The following ZNF514 variants were observed in gnomAD, a reference collection of about 807,000 sequenced individuals.
ZNF514 encodes the protein zinc finger protein 514.
Under a neutral mutation model 9.7 loss-of-function variants are expected in ZNF514, and 12 were observed. The observed-to-expected ratio is 1.24, with a 90% confidence interval of 0.79 to 2.01. The LOEUF is 2.01. Among genes scored for constraint, ZNF514 ranks in the 30% most tolerant of loss-of-function variants. The pLI is 0.00. For missense variants in ZNF514, 467 were observed against 465.5 expected, an observed-to-expected ratio of 1.00 and a Z score of -0.03; for synonymous variants, 158 against 163.7, an observed-to-expected ratio of 0.97 and a Z score of 0.27.
In ZNF514 at chr2:95,149,683, C is replaced by G. The variant is rs866619480; in HGVS notation, c.802G>C (p.Ala268Pro). ...KPYECSECGR[A>P]FSQSSSLVLH... is the part of the protein sequence containing the mutation. Reference sequence around the variant, plus strand: ...ACAAGAGACGAACTCTGGCTGAAGGCTCTCCCACATTCACTGCATTCATAG... The same window carrying G: ...ACAAGAGACGAACTCTGGCTGAAGGGTCTCCCACATTCACTGCATTCATAG... Residue 268 changes from alanine (A) to proline (P), a missense_variant, in exon 5 of 5, where the codon GCC (alanine) becomes CCC (proline). Ala to Pro is a conservative substitution (Grantham distance 27). Coordinates refer to ENST00000295208, the MANE Select transcript of ZNF514 (RefSeq NM_032788.3). 6.2e-7 allele frequency: 1 copy of G among 1,614,052 alleles called. No homozygotes were observed. The highest frequency in any genetic ancestry group is 8.5e-7 in the Non-Finnish European group (1 of 1,180,014).
rs1673352196 is a variant in ZNF514, at chr2:95,146,113, T to C, written c.*3169A>G. Among the ~76,000 whole-genome samples, 1 of 152,232 alleles carries C rather than the reference T, an allele frequency of 6.6e-6. No individual in the cohort carries two copies. Among genetic ancestry groups the C allele is most frequent in the Admixed American group, 6.5e-5 (1 of 15,288 alleles). On this transcript the variant is annotated 3_prime_UTR_variant, in exon 5 of 5. Coordinates refer to ENST00000295208, the MANE Select transcript of ZNF514 (RefSeq NM_032788.3). ...TTTTTGTTAGTCTTAAGGTCTCTGT[T>C]TTAAGGCAAATGCTGGTCAACTGTG...
At chr2:95,140,714 G>A (rs191351351), downstream of ZNF514, among the ~76,000 whole-genome samples, 17 of 151,920 alleles carry the variant, frequency 1.1e-4, no homozygotes, top group Admixed American at 7.9e-4. Flanking sequence ...AGTGGTTCAC[G>A]CCTGTAATGC....
rs1673810455 is a variant in ZNF514, at chr2:95,159,731, C to CCGCGTCCGCCCCGCGCCAGCCCT, written c.-588_-587insAGGGCTGGCGCGGGGCGGACGCG. ...CCCCGCGTCCGCCCCGCGCCAGCCC[C>CCGCGTCCGCCCCGCGCCAGCCCT]CGCGTCCGCCCCGCGCCAGCCCCGC... On this transcript the variant is annotated 5_prime_UTR_variant, in exon 1 of 5. Transcript: ENST00000295208. 1 of 135,076 alleles carries CCGCGTCCGCCCCGCGCCAGCCCT rather than the reference C, an allele frequency of 7.4e-6. No individual in the cohort carries two copies. The highest frequency in any genetic ancestry group is 1.6e-5 in the Non-Finnish European group (1 of 61,208). 8.4% of individuals were successfully genotyped at this position (135,076 alleles called of 1,614,324 possible). A position where few individuals can be genotyped will look rare whatever the true frequency, so the allele number is the denominator to read the frequency against.
chr2:95,149,330 T>C lies in ZNF514; in HGVS notation c.1155A>G (p.Ala385=), dbSNP rs1490636474. Reference sequence around the variant, plus strand: ...GACTTCTCTGATGTTTAATAAGGGATGCAGTATGAGCAAAGGCCCTTCCAC... The same window carrying C: ...GACTTCTCTGATGTTTAATAAGGGACGCAGTATGAGCAAAGGCCCTTCCAC... ...NECGRAFAHT[A]SLIKHQRSHA... The change falls in exon 5 of 5, where the codon GCA becomes GCG. Residue 385 remains alanine, a synonymous_variant. Transcript: ENST00000295208. 10 of 1,606,588 alleles carry C rather than the reference T, an allele frequency of 6.2e-6. No homozygotes were observed. Among genetic ancestry groups the C allele is most frequent in the Non-Finnish European group, 8.5e-6 (10 of 1,175,176 alleles).
Position 95,149,372 on chromosome 2 carries a change from G to T in ZNF514, c.1113C>A (p.Pro371=). ...QHYRFHTGEK[P]YKCNECGRAF... ...CCCTTCCACACTCATTACATTTGTAGGGTTTCTCTCCAGTGTGAAATCTGT... is the reference window on the plus strand; with the variant it reads ...CCCTTCCACACTCATTACATTTGTATGGTTTCTCTCCAGTGTGAAATCTGT... The change falls in exon 5 of 5, where the codon CCC becomes CCA. Residue 371 remains proline, a synonymous_variant. Transcript: ENST00000295208. The T allele has an allele frequency of 6.2e-7, 1 of 1,614,078 alleles. No individual in the cohort carries two copies.
At chr2:95,157,728 T>G (rs1426533551) in intron 1 of ZNF514, among the ~76,000 whole-genome samples, 1 of 152,222 alleles carries the variant, frequency 6.6e-6, no homozygotes, top group Non-Finnish European at 1.5e-5. Flanking sequence ...CTGGGCATAC[T>G]GTATGCAGGT....
the ZNF514 span, among the ~76,000 whole-genome samples, chr2:95,124,663 GC>G: frequency 6.6e-6 from 1 of 151,822 alleles, no homozygotes; most frequent in South Asian, 2.1e-4. Flanking sequence ...ATTACACTCA[GC>G]TAATTTTTTG....
chr2:95,148,297 T>C lies in ZNF514; in HGVS notation c.*985A>G, dbSNP rs376400679. ...TCTCAGCCTCCATCCTCTGCACCCA[T>C]GCATGACACCCTGCCCCGTCAGTAA... On this transcript the variant is annotated 3_prime_UTR_variant, in exon 5 of 5. Coordinates refer to ENST00000295208, the MANE Select transcript of ZNF514 (RefSeq NM_032788.3). The C allele has an allele frequency of 1.7e-4, 26 of 152,320 alleles. 1 individual carries two copies. The highest frequency in any genetic ancestry group is 6.0e-4 in the African/African-American group (25 of 41,574). 9.4% of individuals were successfully genotyped at this position (152,320 alleles called of 1,614,324 possible).
chr2:95,142,476 C>A (rs71427017), downstream of ZNF514, among the ~76,000 whole-genome samples: 14,590 of 152,222 alleles, frequency 0.096, 950 homozygotes, highest in Non-Finnish European at 0.13. Context: ...AATAGGAATC[C>A]AAATTTGTAA....
intron 1 of ZNF514, among the ~76,000 whole-genome samples, chr2:95,157,725 T>A (rs2104477785): frequency 6.6e-6 from 1 of 152,356 alleles, no homozygotes; most frequent in East Asian, 1.9e-4. Flanking sequence ...TTACTGGGCA[T>A]ACTGTATGCA....
intron 4 of ZNF514, 84 bp downstream of exon 4, chr2:95,152,590 G>T: frequency 2.7e-6 from 3 of 1,109,820 alleles, no homozygotes; most frequent in South Asian, 2.5e-5. Flanking sequence ...CTTCTGAAAG[G>T]ACAGCACACT....
downstream of ZNF514, among the ~76,000 whole-genome samples, chr2:95,140,321 T>A (rs1217891945): frequency 1.3e-5 from 2 of 152,150 alleles, no homozygotes; most frequent in Admixed American, 6.5e-5. Context: ...AACATTTTTT[T>A]AAAAAGTATG....
intron 1 of ZNF514, 117 bp downstream of exon 1, chr2:95,159,123 G>T: frequency 1.1e-6 from 1 of 934,056 alleles, no homozygotes; most frequent in Non-Finnish European, 1.4e-6. Flanking sequence ...CCCACTAGGC[G>T]CGGCGGGGCC....
the ZNF514 span, among the ~76,000 whole-genome samples, chr2:95,134,485 A>T: frequency 1.3e-5 from 2 of 152,096 alleles, no homozygotes; most frequent in Admixed American, 1.3e-4. Context: ...TATTTCACCT[A>T]CCACACAATT....
rs879017878 is a variant in ZNF514, at chr2:95,148,547, GA to G, written c.*734del. 2.6e-5 allele frequency: 4 copies of G among 152,326 alleles called. No individual in the cohort carries two copies. The highest frequency in any genetic ancestry group is 4.1e-4 in the South Asian group (2 of 4,826). The allele number at this position is 152,326 out of a possible 1,614,324, so 9.4% of individuals were successfully genotyped here. A position where few individuals can be genotyped will look rare whatever the true frequency, so the allele number is the denominator to read the frequency against. On this transcript the variant is annotated 3_prime_UTR_variant, in exon 5 of 5. Transcript: ENST00000295208. ...TTTTCCCAGTTTCACTAAATTTGAA[GA>G]GTTGCTCTAGCACAAATTCTCTAAT... is the stretch of plus-strand genomic sequence containing the variant.
chr2:95,128,747 G>T, the ZNF514 span, among the ~76,000 whole-genome samples: 1 of 151,246 alleles, frequency 6.6e-6, no homozygotes, highest in South Asian at 2.1e-4. Flanking sequence ...GAAGGAAGAA[G>T]AAGGAGGAGA....
intron 4 of ZNF514, among the ~76,000 whole-genome samples, chr2:95,152,188 A>C (rs985304825): frequency 2.0e-5 from 3 of 152,252 alleles, no homozygotes; most frequent in Non-Finnish European, 4.4e-5. Flanking sequence ...GTCAAGGAGT[A>C]GTCTTTGTTC....
the ZNF514 span, among the ~76,000 whole-genome samples, chr2:95,134,900 T>C: frequency 1.3e-5 from 2 of 152,220 alleles, no homozygotes; most frequent in African/African-American, 2.4e-5. Flanking sequence ...TAGTTGACCA[T>C]AGACACATAG....
intron 2 of ZNF514, chr2:95,154,394 A>C (rs910238721): frequency 1.3e-5 from 2 of 152,238 alleles, no homozygotes; most frequent in African/African-American, 4.8e-5. Flanking sequence ...AAAAACTGGT[A>C]CTCACAGTGG....
Sources: gnomAD v4.1 joint callset for allele counts (sites outside exome capture counted in the v4.1 genomes callset) on GRCh38, gnomAD v4.1.1 for gene constraint, MANE v1.5 for transcripts, NCBI Gene and HGNC (gene_info 2026-07-23, HGNC 2026-07-21) for gene names.